The following CR1 variants were observed in gnomAD, a reference collection of about 807,000 sequenced individuals.
CR1 encodes complement receptor type 1.
CR1 carries 116 observed loss-of-function variants against 187.3 expected under a neutral mutation model. The observed-to-expected ratio is 0.62, with a 90% CI of 0.53 to 0.72. CR1 has a LOEUF of 0.72. CR1 is among the 30% of genes least tolerant of loss of function. The probability of loss-of-function intolerance (pLI) is 0.00; values close to 1 mark genes in which losing one functional copy is unlikely to be tolerated. For synonymous variants in CR1, 576 were observed against 747.1 expected (o/e 0.77, Z 3.73); for missense variants, 1,731 against 2,110.7 (o/e 0.82, Z 3.52).
In CR1 at chr1:207,524,673, C is replaced by T. The variant is rs539686155; in HGVS notation, c.886+664C>T. ...AAAGTGCTGGGATTATAGGCATGAG[C>T]CACCGTGCCCGGCCTCTATGTTTTA... On this transcript the variant is annotated intron_variant, in intron 5 of 46. Transcript: ENST00000367049. 5.5e-4 allele frequency among the ~76,000 whole-genome samples: 83 copies of T among 152,092 alleles called. 1 individual carries two copies. The highest frequency in any genetic ancestry group is 7.6e-4 in the Non-Finnish European group (52 of 68,026).
At chr1:207,564,519 G>A (rs1309940441) in intron 23 of CR1, among the ~76,000 whole-genome samples, 1 of 150,320 alleles carries the variant, frequency 6.7e-6, no homozygotes, top group Non-Finnish European at 1.5e-5. Flanking sequence ...AAAAATATCA[G>A]CCAGGCACGG....
chr1:207,631,638 G>A (rs1219259066), intron 46 of CR1, among the ~76,000 whole-genome samples: 1 of 152,132 alleles, frequency 6.6e-6, no homozygotes, highest in Non-Finnish European at 1.5e-5. Context: ...CTCAGGGTAT[G>A]CAGTAAATAC....
chr1:207,565,995 C>T, intron 24 of CR1, 72 bp downstream of exon 24: 1 of 1,563,498 alleles, frequency 6.4e-7, no homozygotes, highest in Middle Eastern at 1.7e-4. Flanking sequence ...TATGGCCTCC[C>T]TCAATGTGAT....
intron 1 of CR1, among the ~76,000 whole-genome samples, chr1:207,503,294 T>C (rs896514944): frequency 6.6e-6 from 1 of 152,230 alleles, no homozygotes; most frequent in African/African-American, 2.4e-5. Context: ...ATTCAATCTA[T>C]GAACCCAACA....
intron 4 of CR1, among the ~76,000 whole-genome samples, chr1:207,513,370 G>A (rs945536834): frequency 9.2e-5 from 14 of 152,296 alleles, no homozygotes; most frequent in African/African-American, 3.4e-4. Flanking sequence ...AGTTCCCATT[G>A]TCATTCCTGG....
intron 32 of CR1, among the ~76,000 whole-genome samples, 187 bp downstream of exon 32, chr1:207,582,190 AC>A (rs1241094815): frequency 6.6e-6 from 1 of 152,196 alleles, no homozygotes; most frequent in Non-Finnish European, 1.5e-5. Flanking sequence ...TGTTTTGGGT[AC>A]CATCCTATAA....
At chr1:207,623,830 C>T (rs893459185) in intron 45 of CR1, among the ~76,000 whole-genome samples, 1 of 149,834 alleles carries the variant, frequency 6.7e-6, no homozygotes, top group Non-Finnish European at 1.5e-5. Flanking sequence ...ATATGGCACA[C>T]ATAGGCTGCC....
rs760404636 is a variant in CR1 at position 207,523,630 on chromosome 1, C to T, written c.507C>T (p.Pro169=). 3.7e-6 allele frequency: 6 copies of T among 1,613,912 alleles called. No homozygotes were observed. The South Asian group carries it at 5.5e-5, about 15-fold the overall frequency. Residue 169 remains proline (P), a synonymous_variant, in exon 5 of 47, where the codon CCC becomes CCT. Transcript: ENST00000367049. ...TTCCAGGAATTCCTTGTGGGCTACC[C>T]CCCACCATCACCAATGGAGATTTCA... The part of the protein sequence containing the change: ...PICDRIPCGL[P]PTITNGDFIS...
chr1:207,614,617 G>A (rs1420390197), intron 40 of CR1, 128 bp downstream of exon 40: 1 of 647,862 alleles, frequency 1.5e-6, no homozygotes, highest in Non-Finnish European at 2.5e-6. Flanking sequence ...ATACTTCTTT[G>A]TTGGAAGAAT....
chr1:207,610,591 C>T (rs1661894781), intron 37 of CR1, among the ~76,000 whole-genome samples: 1 of 152,184 alleles, frequency 6.6e-6, no homozygotes, highest in East Asian at 1.9e-4. Context: ...CTCAGCCTCC[C>T]AAAGTACTGG....
At chr1:207,585,251 C>T (rs1433258618) in intron 33 of CR1, among the ~76,000 whole-genome samples, 1 of 152,170 alleles carries the variant, frequency 6.6e-6, no homozygotes, top group African/African-American at 2.4e-5. Flanking sequence ...TCCATAAGTT[C>T]ATGAGGGGTA....
chr1:207,631,588 A>G (rs1662647970), intron 46 of CR1, among the ~76,000 whole-genome samples: 1 of 152,034 alleles, frequency 6.6e-6, no homozygotes, highest in African/African-American at 2.4e-5. Context: ...TCTCTCTCTC[A>G]TTGGATACTC....
chr1:207,598,094 A>G (rs1296955068), intron 35 of CR1, among the ~76,000 whole-genome samples: 2 of 152,252 alleles, frequency 1.3e-5, no homozygotes, highest in Non-Finnish European at 2.9e-5. Flanking sequence ...GAAGGAGAGA[A>G]TAGGGAGTTA....
rs1662264005 is a variant in CR1 at position 207,619,894 on chromosome 1, T to C, written c.7081T>C (p.Phe2361Leu). 2 of 1,587,256 alleles carry C rather than the reference T, an allele frequency of 1.3e-6. No individual in the cohort carries two copies. The highest frequency in any genetic ancestry group is 2.3e-5 in the East Asian group (1 of 44,236). Residue 2361 changes from phenylalanine to leucine, a missense_variant, in exon 43 of 47, where the codon TTC (phenylalanine) becomes CTC (leucine). Phe to Leu is a conservative substitution (Grantham distance 22). Coordinates refer to ENST00000367049, the MANE Select transcript of CR1 (RefSeq NM_000651.6). ...TCTAATTTCAGAAGTAAATTGTAGCTTCCCACTGTTTATGAATGGAATCTC... is the reference window on the plus strand; with the variant it reads ...TCTAATTTCAGAAGTAAATTGTAGCCTCCCACTGTTTATGAATGGAATCTC... ...DHYCKEVNCSFPLFMNGISKE... is the reference protein window; with the variant it reads ...DHYCKEVNCSLPLFMNGISKE...
rs1490243787 is a variant in CR1 at position 207,577,785 on chromosome 1, A to G, written c.4538-20A>G. On this transcript the variant is annotated intron_variant, in intron 28 of 46. Transcript: ENST00000367049. ...CTGTCCCAAGGTTTTGTTTTGGTTA[A>G]CTTGCTGTCTCTTTTCCAGGAATTC... 3.7e-6 allele frequency: 6 copies of G among 1,613,354 alleles called. No individual in the cohort carries two copies. Among genetic ancestry groups the G allele is most frequent in the South Asian group, 3.3e-5 (3 of 91,054 alleles).
rs374249264 is a variant in CR1 at position 207,565,007 on chromosome 1, C to A, written c.3866+773C>A. 2.7e-4 allele frequency among the ~76,000 whole-genome samples: 40 copies of A among 150,086 alleles called. 1 individual carries two copies. The highest frequency in any genetic ancestry group is 8.8e-4 in the African/African-American group (35 of 39,562). The stretch of plus-strand genomic sequence containing the variant: ...TTTTTTTAAAAATTCAGTCATATAT[C>A]TTCTGGCTAGTCATGGGCTCTGGGC... On this transcript the variant is annotated intron_variant, in intron 23 of 46. Coordinates refer to ENST00000367049, the MANE Select transcript of CR1 (RefSeq NM_000651.6).
intron 32 of CR1, among the ~76,000 whole-genome samples, chr1:207,582,867 G>T (rs1660999581): frequency 6.6e-6 from 1 of 152,230 alleles, no homozygotes; most frequent in Non-Finnish European, 1.5e-5. Context: ...TCCCTTAGCT[G>T]AAATGCAGGG....
At chr1:207,621,917 T>C in intron 43 of CR1, 56 bp from the exon 44 acceptor site, 3 of 1,446,558 alleles carry the variant, frequency 2.1e-6, no homozygotes, top group Non-Finnish European at 2.9e-6. Context: ...TGAGAGGTCC[T>C]GTTCAATCAT....
intron 4 of CR1, 63 bp from the exon 5 acceptor site, chr1:207,523,548 A>C: frequency 6.2e-7 from 1 of 1,602,964 alleles, no homozygotes; most frequent in South Asian, 1.1e-5. Flanking sequence ...TTAGTGACTC[A>C]TGAGATTTCT....
Sources: gnomAD v4.1 joint callset for allele counts (sites outside exome capture counted in the v4.1 genomes callset) on GRCh38, gnomAD v4.1.1 for gene constraint, MANE v1.5 for transcripts, NCBI Gene and HGNC (gene_info 2026-07-23, HGNC 2026-07-21) for gene names.